UQCRH: variants seen among roughly 807,000 people sequenced by gnomAD.
UQCRH encodes ubiquinol-cytochrome c reductase hinge protein.
UQCRH carries 14 observed loss-of-function variants against 16.3 expected under a neutral mutation model. The observed-to-expected ratio is 0.86, with a 90% CI of 0.57 to 1.34. The LOEUF (loss-of-function observed/expected upper bound fraction) is 1.34, where lower values mean the gene tolerates loss of function less well. Ranked by LOEUF, UQCRH falls within the 40% of genes most tolerant of loss-of-function variation. The pLI is 0.00. For missense variants in UQCRH, 89 were observed against 111.9 expected, an observed-to-expected ratio of 0.80 and a Z score of 0.92; for synonymous variants, 41 against 41.9, an observed-to-expected ratio of 0.98 and a Z score of 0.08.
intron 1 of UQCRH, among the ~76,000 whole-genome samples, chr1:46,304,058 G>A (rs2148330815): frequency 6.6e-6 from 1 of 152,316 alleles, no homozygotes; most frequent in Non-Finnish European, 1.5e-5. Flanking sequence ...AGGTTTGAGA[G>A]CGAAAATGTT....
chr1:46,316,256 A>G (rs111931912), intron 3 of UQCRH, among the ~76,000 whole-genome samples: 1 of 152,222 alleles, frequency 6.6e-6, no homozygotes, highest in Non-Finnish European at 1.5e-5. Context: ...TGTAATGTTA[A>G]TGTCACTGAT....
intron 3 of UQCRH, among the ~76,000 whole-genome samples, chr1:46,314,379 AAAG>A (rs1350324332): frequency 1.3e-5 from 2 of 151,386 alleles, no homozygotes; most frequent in African/African-American, 2.4e-5. Flanking sequence ...AAAAAAAAAA[AAAG>A]AGAAGGGGCT....
At chr1:46,312,287 T>C (rs1661496045) in intron 3 of UQCRH, among the ~76,000 whole-genome samples, 2 of 151,900 alleles carry the variant, frequency 1.3e-5, no homozygotes, top group South Asian at 2.1e-4. Context: ...GTATTTTTAG[T>C]AGAGACGGGG....
intron 3 of UQCRH, among the ~76,000 whole-genome samples, chr1:46,312,330 C>T (rs1247540705): frequency 4.0e-5 from 6 of 151,834 alleles, no homozygotes; most frequent in Admixed American, 1.3e-4. Context: ...GTCTTGAACT[C>T]CTGACCTCCA....
At chr1:46,309,903 C>CT in intron 2 of UQCRH, 2 of 1,406,582 alleles carry the variant, frequency 1.4e-6, no homozygotes, top group Non-Finnish European at 1.8e-6. Flanking sequence ...TCAGATAGGA[C>CT]TGAGGCTTTC....
chr1:46,314,374 A>AG (rs997684085), intron 3 of UQCRH, among the ~76,000 whole-genome samples: 3 of 151,512 alleles, frequency 2.0e-5, no homozygotes, highest in Non-Finnish European at 4.4e-5. Flanking sequence ...CAAAAAAAAA[A>AG]AAAAAAAGAG....
chr1:46,306,441 C>T (rs1250363710), intron 1 of UQCRH, among the ~76,000 whole-genome samples: 7 of 146,068 alleles, frequency 4.8e-5, no homozygotes, highest in African/African-American at 1.3e-4. Flanking sequence ...TACAGTGGCG[C>T]GATCTCACTG....
Position 46,310,274 on chromosome 1 carries a change from C to A in UQCRH, c.201C>A (p.Cys67Ter). 6.2e-7 allele frequency: 1 copy of A among 1,614,084 alleles called. No individual in the cohort carries two copies. Among genetic ancestry groups the A allele is most frequent in the African/African-American group, 1.3e-5 (1 of 75,018 alleles). ...CTCGATCACATACAGAAGAGGATTGCACGGAGGAGCTCTTTGACTTCTTGC... is the reference window on the plus strand; with the variant it reads ...CTCGATCACATACAGAAGAGGATTGAACGGAGGAGCTCTTTGACTTCTTGC... Reference protein sequence around the residue: ...VSSRSHTEEDCTEELFDFLHA... With the variant: ...VSSRSHTEED The change falls in exon 3 of 4, where the codon TGC becomes TGA. Residue 67 changes from cysteine to a stop codon, truncating the protein, a stop_gained. Coordinates refer to ENST00000311672, the MANE Select transcript of UQCRH (RefSeq NM_006004.4). LOFTEE classifies it high-confidence loss of function.
intron 1 of UQCRH, among the ~76,000 whole-genome samples, chr1:46,306,357 GT>G (rs1332517373): frequency 6.9e-6 from 1 of 143,982 alleles, no homozygotes; most frequent in Non-Finnish European, 1.5e-5. Context: ...TGTAATTTTA[GT>G]TTTTTTGGGA....
At chr1:46,312,372 T>C (rs562974324) in intron 3 of UQCRH, among the ~76,000 whole-genome samples, 1 of 152,228 alleles carries the variant, frequency 6.6e-6, no homozygotes, top group African/African-American at 2.4e-5. Flanking sequence ...TCCAAAGTGC[T>C]GAGATTACAG....
intron 2 of UQCRH, 148 bp from the exon 3 acceptor site, chr1:46,310,007 T>C (rs1661438272): frequency 3.3e-6 from 5 of 1,500,094 alleles, no homozygotes; most frequent in Non-Finnish European, 4.4e-6. Flanking sequence ...CTGCCATTTC[T>C]GGCGGCAGTG....
At chr1:46,310,571 C>G (rs1259441872) in intron 3 of UQCRH, among the ~76,000 whole-genome samples, 1 of 152,208 alleles carries the variant, frequency 6.6e-6, no homozygotes, top group Non-Finnish European at 1.5e-5. Context: ...CTAAGTGATC[C>G]TGCCTTGGCC....
chr1:46,314,673 CAAAAAAA>C (rs200199978), intron 3 of UQCRH, among the ~76,000 whole-genome samples: 1 of 59,096 alleles, frequency 1.7e-5, no homozygotes, highest in Non-Finnish European at 3.6e-5. Flanking sequence ...AACTCCGTCT[CAAAAAAA>C]AAAAAAAAAA....
chr1:46,305,481 CGGGTGG>C (rs1272332489), intron 1 of UQCRH, among the ~76,000 whole-genome samples: 12 of 14,006 alleles, frequency 8.6e-4, no homozygotes. Context: ...GAGGCCGAGG[CGGGTGG>C]ATCGGGAGGC....
chr1:46,311,873 C>G (rs1661484954), intron 3 of UQCRH, among the ~76,000 whole-genome samples: 1 of 151,612 alleles, frequency 6.6e-6, no homozygotes, highest in African/African-American at 2.4e-5. Flanking sequence ...CTGTGATCCA[C>G]CTGCCTCAGC....
In UQCRH at chr1:46,310,430, T is replaced by C. The variant is rs551432000; in HGVS notation, c.243+114T>C. On this transcript the variant is annotated intron_variant, in intron 3 of 3. Transcript: ENST00000311672. ...CATCAGTTACTCTGGGCCCAATATA[T>C]GTGACATATGGTGCGCTGAGCATTT... 6.8e-5 allele frequency: 100 copies of C among 1,475,396 alleles called. No homozygotes were observed. In the East Asian group the frequency reaches 1.8e-3, roughly 27 times the overall value. The allele number at this position is 1,475,396 out of a possible 1,614,324, so 91.4% of individuals were successfully genotyped here.
intron 1 of UQCRH, among the ~76,000 whole-genome samples, chr1:46,305,298 CAAAAAAA>C (rs11444271): frequency 3.7e-3 from 238 of 65,004 alleles, no homozygotes; most frequent in Non-Finnish European, 5.3e-3. Context: ...GACCCTGTCT[CAAAAAAA>C]AAAAAAAAAA....
chr1:46,309,553 C>T (rs533420988), intron 2 of UQCRH: 1 of 183,424 alleles, frequency 5.5e-6, no homozygotes, highest in Non-Finnish European at 1.1e-5. Flanking sequence ...GCCTGTAATC[C>T]CAGCTACTCG....
At position 46,316,752 on chromosome 1, in the gene UQCRH, AAAT is replaced by A; in HGVS notation, c.*171_*173del. ...TATGTAATTCGCAATGATTCCATCT[AAAT>A]AAAAGTTCTATGATCTGCAAACCTG... is the stretch of plus-strand genomic sequence containing the variant. On this transcript the variant is annotated 3_prime_UTR_variant, in exon 4 of 4. Transcript: ENST00000311672. 1.1e-6 allele frequency: 1 copy of A among 939,198 alleles called. No individual in the cohort carries two copies. The highest frequency in any genetic ancestry group is 1.5e-6 in the Non-Finnish European group (1 of 663,340). 58.2% of individuals were successfully genotyped at this position (939,198 alleles called of 1,614,324 possible).
Sources: gnomAD v4.1 joint callset for allele counts (sites outside exome capture counted in the v4.1 genomes callset) on GRCh38, gnomAD v4.1.1 for gene constraint, MANE v1.5 for transcripts, NCBI Gene and HGNC (gene_info 2026-07-23, HGNC 2026-07-21) for gene names.